FAM174B: variants seen among roughly 807,000 people sequenced by gnomAD.
FAM174B encodes family with sequence similarity 174 member B.
A neutral mutation model predicts 10.9 loss-of-function variants in FAM174B; 12 were observed. The observed-to-expected ratio is 1.10, with a 90% CI of 0.71 to 1.79. The LOEUF (loss-of-function observed/expected upper bound fraction) is 1.79, where lower values mean the gene tolerates loss of function less well. FAM174B is among the 40% of genes most tolerant of loss of function. The pLI, the probability that FAM174B is intolerant of heterozygous loss-of-function variation, is 0.00. For missense variants in FAM174B, 266 were observed against 233.3 expected (o/e 1.14, Z -0.91); for synonymous variants, 132 against 115.8 (o/e 1.14, Z -0.90).
chr15:92,630,208 C>T lies in FAM174B; in HGVS notation c.476+6G>A. 3.1e-6 allele frequency: 5 copies of T among 1,613,708 alleles called. No individual in the cohort carries two copies. The highest frequency in any genetic ancestry group is 4.2e-6 in the Non-Finnish European group (5 of 1,179,700). ...CCAGGAGGAAGCCTCTGTCTCCACC[C>T]TGTACCTGTATTTGATGTCGAATAC... On this transcript the variant is annotated splice_donor_region_variant and intron_variant, in intron 2 of 2. Coordinates refer to ENST00000327355, the MANE Select transcript of FAM174B (RefSeq NM_207446.3).
intron 1 of FAM174B, 38 bp from the exon 2 acceptor site, chr15:92,630,383 G>A (rs770427925): frequency 4.4e-6 from 7 of 1,575,238 alleles, no homozygotes; most frequent in South Asian, 1.1e-5. Flanking sequence ...AACACAGCTG[G>A]GAGAGAAAGA....
rs1468051300 is a variant in FAM174B, at chr15:92,618,396, G to C, written c.*1060C>G. On this transcript the variant is annotated 3_prime_UTR_variant, in exon 3 of 3. Coordinates refer to ENST00000327355, the MANE Select transcript of FAM174B (RefSeq NM_207446.3). ...GGCAAGTCCTCACTTCACCAGCTCAGAGGTGAGCCACTCTCACCTGAACCT... is the reference window on the plus strand; with the variant it reads ...GGCAAGTCCTCACTTCACCAGCTCACAGGTGAGCCACTCTCACCTGAACCT... The C allele has an allele frequency of 6.6e-6, 1 of 152,440 alleles. No homozygotes were observed. The highest frequency in any genetic ancestry group is 1.5e-5 in the Non-Finnish European group (1 of 68,194). 9.4% of individuals were successfully genotyped at this position (152,440 alleles called of 1,614,324 possible).
intron 1 of FAM174B, among the ~76,000 whole-genome samples, chr15:92,654,979 A>G (rs2050991430): frequency 6.6e-6 from 1 of 152,238 alleles, no homozygotes; most frequent in Non-Finnish European, 1.5e-5. Context: ...TCATCTGTGA[A>G]ATGATTATAA....
intron 1 of FAM174B, among the ~76,000 whole-genome samples, chr15:92,652,142 C>T (rs994084101): frequency 1.3e-5 from 2 of 152,200 alleles, no homozygotes; most frequent in Admixed American, 6.5e-5. Context: ...TAAATGCCAG[C>T]TTGTGCCTGG....
At chr15:92,635,657 T>G (rs1050701216) in intron 1 of FAM174B, among the ~76,000 whole-genome samples, 1 of 150,596 alleles carries the variant, frequency 6.6e-6, no homozygotes, top group Non-Finnish European at 1.5e-5. Context: ...CTTGGCTAAC[T>G]GCAACCTCCA....
At chr15:92,627,465 T>G (rs886835257) in intron 2 of FAM174B, 1 of 161,836 alleles carries the variant, frequency 6.2e-6, no homozygotes, top group Non-Finnish European at 1.5e-5. Context: ...CCAGACACAA[T>G]GTCAATCCAG....
chr15:92,637,391 T>G (rs548115809), intron 1 of FAM174B, among the ~76,000 whole-genome samples: 1 of 152,246 alleles, frequency 6.6e-6, no homozygotes, highest in South Asian at 2.1e-4. Flanking sequence ...CAGCTCTCCT[T>G]AAAAACTACA....
intron 1 of FAM174B, among the ~76,000 whole-genome samples, chr15:92,651,710 TCAAA>T (rs1233649208): frequency 6.6e-6 from 1 of 152,262 alleles, no homozygotes; most frequent in Non-Finnish European, 1.5e-5. Flanking sequence ...CTTTTCACTA[TCAAA>T]CAGAGCTTCT....
intron 1 of FAM174B, among the ~76,000 whole-genome samples, chr15:92,630,752 A>T (rs2050788403): frequency 1.9e-4 from 1 of 5,200 alleles, no homozygotes; most frequent in Non-Finnish European, 0.011. Flanking sequence ...TTTTTATATT[A>T]TATAATAATA....
chr15:92,617,721 C>A lies in FAM174B; in HGVS notation c.*1735G>T. 1 of 680,818 alleles carries A rather than the reference C, an allele frequency of 1.5e-6. No individual in the cohort carries two copies. The highest frequency in any genetic ancestry group is 2.7e-6 in the Non-Finnish European group (1 of 377,212). The allele number at this position is 680,818 out of a possible 1,614,324, so 42.2% of individuals were successfully genotyped here. Reference sequence around the variant, plus strand: ...GGCCAGGCTCCCGTGAGTCACCACTCAGGCCTGAGTACACCGTGGAGAGGA... The same window carrying A: ...GGCCAGGCTCCCGTGAGTCACCACTAAGGCCTGAGTACACCGTGGAGAGGA... On this transcript the variant is annotated 3_prime_UTR_variant, in exon 3 of 3. Transcript: ENST00000327355.
intron 1 of FAM174B, among the ~76,000 whole-genome samples, chr15:92,649,179 C>G (rs2050948321): frequency 6.6e-6 from 1 of 152,212 alleles, no homozygotes; most frequent in African/African-American, 2.4e-5. Flanking sequence ...GCATGAAAGT[C>G]TATGGGTAAT....
At position 92,629,652 on chromosome 15, in the gene FAM174B, A is replaced by G. The variant is rs138592891; in HGVS notation, c.476+562T>C. Among the ~76,000 whole-genome samples the G allele has an allele frequency of 2.2e-4, 33 of 152,290 alleles. 1 individual carries two copies. The East Asian group carries it at 6.2e-3, about 28-fold the overall frequency. ...TGTGTTCTCCTTTGGGAAAAGTAAT[A>G]AGCAATTCTCTGCTGGGTTTCTGGG... On this transcript the variant is annotated intron_variant, in intron 2 of 2. Coordinates refer to ENST00000327355, the MANE Select transcript of FAM174B (RefSeq NM_207446.3).
chr15:92,653,161 G>A (rs1369969889), intron 1 of FAM174B: 2 of 152,194 alleles, frequency 1.3e-5, no homozygotes, highest in Admixed American at 6.5e-5. Flanking sequence ...TTCCTGGGAA[G>A]AGACGCAGAT....
intron 2 of FAM174B, among the ~76,000 whole-genome samples, chr15:92,629,765 C>A (rs980487421): frequency 1.3e-5 from 2 of 152,250 alleles, no homozygotes; most frequent in East Asian, 3.9e-4. Context: ...ACAATTCCCA[C>A]GTGTTGTGGG....
At position 92,655,651 on chromosome 15, in the gene FAM174B, G is replaced by A; in HGVS notation, c.9C>T (p.Ala3=). The part of the protein sequence containing the change: MR[A]VPLPAPLLPL... Reference sequence around the variant, plus strand: ...GCAGGAGCGGGGCGGGCAGCGGCACGGCGCGCATAGTGCGGTGGGTCGGCA... The same window carrying A: ...GCAGGAGCGGGGCGGGCAGCGGCACAGCGCGCATAGTGCGGTGGGTCGGCA... Residue 3 remains alanine, a synonymous_variant, in exon 1 of 3, where the codon GCC becomes GCT. Coordinates refer to ENST00000327355, the MANE Select transcript of FAM174B (RefSeq NM_207446.3). 8.8e-6 allele frequency: 11 copies of A among 1,255,536 alleles called. No homozygotes were observed. Among genetic ancestry groups the A allele is most frequent in the Middle Eastern group, 3.2e-4 (1 of 3,154 alleles). 77.8% of individuals were successfully genotyped at this position (1,255,536 alleles called of 1,614,324 possible).
Position 92,630,255 on chromosome 15 carries a change from A to T in FAM174B, c.435T>A (p.Asp145Glu). The change falls in exon 2 of 3, where the codon GAT (aspartate) becomes GAA (glutamate). Residue 145 changes from aspartate (D) to glutamate (E), a missense_variant. Transcript: ENST00000327355. The stretch of plus-strand genomic sequence containing the variant: ...ATACTGTGGAGTCCTCATCTTCATC[A>T]TCCTCTTCATTTAGTGGCGCCATTT... ...RVEMAPLNEE[D>E]DEDEDSTVFD... 1 of 1,607,366 alleles carries T rather than the reference A, an allele frequency of 6.2e-7. No homozygotes were observed. Among genetic ancestry groups the T allele is most frequent in the Non-Finnish European group, 8.5e-7 (1 of 1,175,098 alleles).
At chr15:92,650,436 T>C (rs1313720159) in intron 1 of FAM174B, among the ~76,000 whole-genome samples, 1 of 152,170 alleles carries the variant, frequency 6.6e-6, no homozygotes, top group Non-Finnish European at 1.5e-5. Flanking sequence ...GATTTTGAAG[T>C]AAGAAGTGGC....
chr15:92,654,392 A>G (rs2050986930), intron 1 of FAM174B, among the ~76,000 whole-genome samples: 1 of 152,210 alleles, frequency 6.6e-6, no homozygotes, highest in Non-Finnish European at 1.5e-5. Flanking sequence ...CCTCAGTAAC[A>G]GGACAGGTTT....
At chr15:92,620,511 T>G (rs1335638733) in intron 2 of FAM174B, among the ~76,000 whole-genome samples, 1 of 148,474 alleles carries the variant, frequency 6.7e-6, no homozygotes, top group Non-Finnish European at 1.5e-5. Context: ...AAAATAAGCA[T>G]AAGTTTAAAA....
Sources: gnomAD v4.1 joint callset for allele counts (sites outside exome capture counted in the v4.1 genomes callset) on GRCh38, gnomAD v4.1.1 for gene constraint, MANE v1.5 for transcripts, NCBI Gene and HGNC (gene_info 2026-07-23, HGNC 2026-07-21) for gene names.